Variants in ZNF609 observed in about 807,000 individuals in gnomAD.
ZNF609 encodes the protein zinc finger protein 609.
Under a neutral mutation model 109.5 loss-of-function variants are expected in ZNF609, and 11 were observed. The ratio of observed to expected loss-of-function variants is 0.10; its 90% CI spans 0.06 to 0.17. The LOEUF (loss-of-function observed/expected upper bound fraction) is 0.17. Among genes scored for constraint, ZNF609 ranks in the 10% least tolerant of loss-of-function variants. ZNF609 has a pLI of 1.00. For synonymous variants in ZNF609, 646 were observed against 662.0 expected, an observed-to-expected ratio of 0.98 and a Z score of 0.37; for missense variants, 1,559 against 1,772.4, an observed-to-expected ratio of 0.88 and a Z score of 2.16.
chr15:64,546,943 A>G (rs1894374721), intron 2 of ZNF609, among the ~76,000 whole-genome samples: 1 of 151,678 alleles, frequency 6.6e-6, no homozygotes, highest in African/African-American at 2.4e-5. Context: ...GGCGCACGCC[A>G]CCACACCTGG....
chr15:64,488,955 G>A lies in ZNF609; in HGVS notation c.-127-10338G>A, dbSNP rs1054303398. ...GAAAGAAAGAAAGAAACAATTAGCC[G>A]GGTATGGTGGTGGTGCATGCCTGTG... On this transcript the variant is annotated intron_variant, in intron 1 of 9. Coordinates refer to ENST00000326648, the MANE Select transcript of ZNF609 (RefSeq NM_015042.2). 2.7e-5 allele frequency among the ~76,000 whole-genome samples: 4 copies of A among 150,916 alleles called. No homozygotes were observed. In the South Asian group the frequency reaches 6.3e-4, roughly 24 times the overall value.
intron 3 of ZNF609, among the ~76,000 whole-genome samples, chr15:64,656,689 C>G (rs1322973861): frequency 6.6e-6 from 1 of 151,732 alleles, no homozygotes; most frequent in Non-Finnish European, 1.5e-5. Flanking sequence ...CTCCTTCCTT[C>G]TTTTCTTCCT....
Position 64,606,766 on chromosome 15 carries a change from G to A in ZNF609, c.748-16061G>A, listed in dbSNP as rs563043848. 1.3e-4 allele frequency among the ~76,000 whole-genome samples: 20 copies of A among 152,148 alleles called. No homozygotes were observed. The East Asian group carries it at 3.3e-3, about 25-fold the overall frequency. On this transcript the variant is annotated intron_variant, in intron 2 of 9. Coordinates refer to ENST00000326648, the MANE Select transcript of ZNF609 (RefSeq NM_015042.2). Reference sequence around the variant, plus strand: ...ATCAGTAATACCAGCACTTTGGGAGGCCGAGGCAGGAGGATCACCTGAGGT... The same window carrying A: ...ATCAGTAATACCAGCACTTTGGGAGACCGAGGCAGGAGGATCACCTGAGGT...
intron 1 of ZNF609, among the ~76,000 whole-genome samples, chr15:64,477,134 T>TC (rs1893182376): frequency 2.0e-5 from 3 of 149,798 alleles, no homozygotes; most frequent in East Asian, 1.9e-4. Flanking sequence ...ACTCTTCTCT[T>TC]TCTTTTTTTT....
intron 1 of ZNF609, among the ~76,000 whole-genome samples, 183 bp from the exon 2 acceptor site, chr15:64,499,110 G>A (rs1296498466): frequency 6.6e-6 from 1 of 152,198 alleles, no homozygotes; most frequent in African/African-American, 2.4e-5. Context: ...GGGAGATGGA[G>A]TGGGAATTGA....
At chr15:64,609,599 G>A (rs560885161) in intron 2 of ZNF609, among the ~76,000 whole-genome samples, 1 of 151,428 alleles carries the variant, frequency 6.6e-6, no homozygotes, top group Non-Finnish European at 1.5e-5. Flanking sequence ...CGTGAGCCAC[G>A]GTGCATGGCC....
chr15:64,673,895 T>A, intron 4 of ZNF609, 21 bp from the exon 5 acceptor site: 1 of 1,596,030 alleles, frequency 6.3e-7, no homozygotes, highest in Non-Finnish European at 8.5e-7. Context: ...TAATATTCTG[T>A]TGTGTTTATC....
At position 64,675,211 on chromosome 15, in the gene ZNF609, C is replaced by T; in HGVS notation, c.2357C>T (p.Ala786Val). 1.2e-6 allele frequency: 2 copies of T among 1,614,078 alleles called. No homozygotes were observed. The highest frequency in any genetic ancestry group is 1.7e-6 in the Non-Finnish European group (2 of 1,180,048). The change falls in exon 5 of 10, where the codon GCT becomes GTT. Residue 786 changes from alanine (A) to valine (V), a missense_variant. Physicochemically the swap from Ala to Val is moderately conservative, Grantham distance 64. This residue lies in a region of ZNF609 where 1,204 missense variants were observed against 1,314.1 expected (regional missense o/e 0.92). Transcript: ENST00000326648. ...GSSDPHQSRL[A>V]SIKAEADKIY... Reference sequence around the variant, plus strand: ...TCAGACCCCCACCAAAGCCGACTGGCTAGCATCAAGGCTGAAGCCGACAAG... The same window carrying T: ...TCAGACCCCCACCAAAGCCGACTGGTTAGCATCAAGGCTGAAGCCGACAAG...
At chr15:64,645,008 TCTTCCTTCCTTC>T (rs1170783769) in intron 3 of ZNF609, among the ~76,000 whole-genome samples, 3 of 140,064 alleles carry the variant, frequency 2.1e-5, no homozygotes, top group African/African-American at 8.6e-5. Flanking sequence ...TTTCTTTCTT[TCTTCCTTCCTTC>T]CTTCCTTCCT....
At chr15:64,623,286 T>TC (rs1319934677) in intron 3 of ZNF609, among the ~76,000 whole-genome samples, 1 of 152,138 alleles carries the variant, frequency 6.6e-6, no homozygotes, top group Non-Finnish European at 1.5e-5. Context: ...TGATATGCAG[T>TC]CATGTGATAG....
At chr15:64,546,879 C>A (rs1437713937) in intron 2 of ZNF609, among the ~76,000 whole-genome samples, 1 of 150,922 alleles carries the variant, frequency 6.6e-6, no homozygotes, top group Non-Finnish European at 1.5e-5. Context: ...CAAGCTCTGC[C>A]TCCCAGGTTC....
chr15:64,500,302 G>A, intron 2 of ZNF609, 136 bp downstream of exon 2: 4 of 1,196,778 alleles, frequency 3.3e-6, no homozygotes, highest in Non-Finnish European at 4.8e-6. Flanking sequence ...CAGAGCAGCT[G>A]GTAATGATAA....
At position 64,685,365 on chromosome 15, in the gene ZNF609, C is replaced by T. The variant is rs916419408; in HGVS notation, c.*3679C>T. 1 of 152,734 alleles carries T rather than the reference C, an allele frequency of 6.5e-6. No individual in the cohort carries two copies. The highest frequency in any genetic ancestry group is 1.5e-5 in the Non-Finnish European group (1 of 68,160). 9.5% of individuals were successfully genotyped at this position (152,734 alleles called of 1,614,324 possible). A position where few individuals can be genotyped will look rare whatever the true frequency, so the allele number is the denominator to read the frequency against. The stretch of plus-strand genomic sequence containing the variant: ...GTTCTCCCTCAGCTCTCCTGATCTT[C>T]CTGGCCCTGCTCCATATGCATCCTC... On this transcript the variant is annotated 3_prime_UTR_variant, in exon 10 of 10. Transcript: ENST00000326648.
intron 2 of ZNF609, among the ~76,000 whole-genome samples, chr15:64,503,581 G>T (rs935479297): frequency 6.6e-6 from 1 of 152,136 alleles, no homozygotes; most frequent in Non-Finnish European, 1.5e-5. Context: ...CAGGGCTTAC[G>T]ACCAGGAGTT....
chr15:64,490,279 T>G lies in ZNF609; in HGVS notation c.-127-9014T>G, dbSNP rs112105301. Among the ~76,000 whole-genome samples the G allele has an allele frequency of 9.4e-3, 1,428 of 151,426 alleles. 32 individuals carry two copies. Among genetic ancestry groups the G allele is most frequent in the African/African-American group, 0.033 (1,346 of 41,192 alleles). On this transcript the variant is annotated intron_variant, in intron 1 of 9. Transcript: ENST00000326648. ...TGCACCCGGCCAGTAGTTGTTTTTT[T>G]TTTTTTTTTTCGAGACGGAGTTTTG...
intron 2 of ZNF609, among the ~76,000 whole-genome samples, chr15:64,556,609 T>C (rs924337669): frequency 2.0e-5 from 3 of 152,204 alleles, no homozygotes; most frequent in African/African-American, 7.2e-5. Flanking sequence ...ACAGAAATTA[T>C]TGCCCTTCCC....
chr15:64,654,924 G>GTC (rs1567040410), intron 3 of ZNF609, among the ~76,000 whole-genome samples: 1 of 151,788 alleles, frequency 6.6e-6, no homozygotes, highest in African/African-American at 2.4e-5. Context: ...GTGAAACCCT[G>GTC]TCTCTACTAA....
chr15:64,652,318 C>T (rs1896429539), intron 3 of ZNF609, among the ~76,000 whole-genome samples: 1 of 151,552 alleles, frequency 6.6e-6, no homozygotes, highest in African/African-American at 2.4e-5. Context: ...GCCACCATGC[C>T]CAGCCTTATT....
At chr15:64,558,853 T>G (rs940514806) in intron 2 of ZNF609, among the ~76,000 whole-genome samples, 1 of 152,242 alleles carries the variant, frequency 6.6e-6, no homozygotes, top group African/African-American at 2.4e-5. Flanking sequence ...TTTTGCAGCT[T>G]CTTTTGTATA....
Sources: allele counts gnomAD v4.1 joint callset (sites outside exome capture counted in the v4.1 genomes callset), GRCh38; gene constraint gnomAD v4.1.1; regional missense constraint gnomAD v4.1.1; transcripts MANE v1.5; gene names NCBI Gene and HGNC (gene_info 2026-07-23, HGNC 2026-07-21).